NTNG1: variants seen among roughly 807,000 people sequenced by gnomAD.
The protein encoded by NTNG1 is netrin G1.
Under a neutral mutation model 54.0 loss-of-function variants are expected in NTNG1, and 16 were observed. The ratio of observed to expected loss-of-function variants is 0.30; its 90% CI spans 0.20 to 0.45. The LOEUF (loss-of-function observed/expected upper bound fraction) is 0.45, where lower values mean the gene tolerates loss of function less well. Among genes scored for constraint, NTNG1 ranks in the 20% least tolerant of loss-of-function variants. The probability of loss-of-function intolerance (pLI) is 1.00; values close to 1 mark genes in which losing one functional copy is unlikely to be tolerated. For missense variants in NTNG1, 530 were observed against 678.7 expected (o/e 0.78, Z 2.43); for synonymous variants, 255 against 263.1 (o/e 0.97, Z 0.30).
intron 2 of NTNG1, among the ~76,000 whole-genome samples, chr1:107,283,962 C>T (rs1434122716): frequency 6.6e-6 from 1 of 152,160 alleles, no homozygotes; most frequent in African/African-American, 2.4e-5. Flanking sequence ...TCTTCTACAG[C>T]TCAGTTCAAA....
chr1:107,296,217 T>C (rs987623685), intron 2 of NTNG1, among the ~76,000 whole-genome samples: 1 of 152,188 alleles, frequency 6.6e-6, no homozygotes, highest in East Asian at 1.9e-4. Context: ...TGAATTTTCA[T>C]ATGCCTTCAA....
chr1:107,321,653 A>G (rs1004193762), intron 2 of NTNG1, among the ~76,000 whole-genome samples: 4 of 152,142 alleles, frequency 2.6e-5, no homozygotes, highest in Non-Finnish European at 5.9e-5. Context: ...AAACCTATGT[A>G]ACTAGGTATT....
intron 7 of NTNG1, among the ~76,000 whole-genome samples, chr1:107,468,171 A>T (rs367817987): frequency 2.6e-5 from 4 of 152,312 alleles, no homozygotes; most frequent in African/African-American, 9.6e-5. Flanking sequence ...TATTTTTCAT[A>T]CTTAAATATC....
intron 2 of NTNG1, among the ~76,000 whole-genome samples, chr1:107,208,731 T>C (rs1170470281): frequency 6.6e-6 from 1 of 152,056 alleles, no homozygotes; most frequent in Non-Finnish European, 1.5e-5. Flanking sequence ...TACTCTCCCT[T>C]CCCTTAGCTG....
At chr1:107,142,653 A>G (rs932601110) in intron 1 of NTNG1, among the ~76,000 whole-genome samples, 1 of 150,460 alleles carries the variant, frequency 6.6e-6, no homozygotes, top group African/African-American at 2.5e-5. Flanking sequence ...AAATACTAAA[A>G]GTTGTTTTAT....
intron 7 of NTNG1, among the ~76,000 whole-genome samples, chr1:107,465,303 G>C (rs1019692372): frequency 6.6e-6 from 1 of 152,166 alleles, no homozygotes; most frequent in Non-Finnish European, 1.5e-5. Flanking sequence ...AGATGAAAAA[G>C]GTGTCTACTA....
chr1:107,232,700 C>A (rs1661155907), intron 2 of NTNG1, among the ~76,000 whole-genome samples: 1 of 152,154 alleles, frequency 6.6e-6, no homozygotes, highest in South Asian at 2.1e-4. Context: ...TCTGGAATGC[C>A]TTGCATCTTG....
intron 3 of NTNG1, among the ~76,000 whole-genome samples, chr1:107,326,542 T>A (rs545098518): frequency 6.6e-6 from 1 of 152,296 alleles, no homozygotes; most frequent in South Asian, 2.1e-4. Context: ...TTATTATTAA[T>A]GATAGCTTGC....
intron 3 of NTNG1, among the ~76,000 whole-genome samples, chr1:107,334,458 G>A (rs1410196586): frequency 1.3e-5 from 2 of 151,846 alleles, no homozygotes; most frequent in Non-Finnish European, 2.9e-5. Context: ...GATGGGGGAA[G>A]GGTGGGCCAA....
chr1:107,400,654 T>C (rs1033190630), intron 4 of NTNG1, among the ~76,000 whole-genome samples: 1 of 151,660 alleles, frequency 6.6e-6, no homozygotes, highest in Admixed American at 6.6e-5. Flanking sequence ...GGAATAAGTT[T>C]TTTTTTTTTT....
At chr1:107,355,568 G>A (rs956094430) in intron 3 of NTNG1, among the ~76,000 whole-genome samples, 3 of 152,016 alleles carry the variant, frequency 2.0e-5, no homozygotes, top group Non-Finnish European at 2.9e-5. Flanking sequence ...ATCAGAAACC[G>A]AGATATTTGT....
intron 3 of NTNG1, among the ~76,000 whole-genome samples, chr1:107,329,921 A>G (rs546331943): frequency 7.2e-5 from 11 of 152,082 alleles, no homozygotes; most frequent in African/African-American, 2.4e-4. Flanking sequence ...AAAAATGATG[A>G]TAATGTGGGT....
chr1:107,400,677 T>C (rs1327795489), intron 4 of NTNG1, among the ~76,000 whole-genome samples: 2 of 151,826 alleles, frequency 1.3e-5, no homozygotes, highest in African/African-American at 4.8e-5. Flanking sequence ...AGATGTAGTT[T>C]TGCTCTTGTT....
intron 6 of NTNG1, among the ~76,000 whole-genome samples, chr1:107,434,742 T>G (rs1675496614): frequency 6.6e-6 from 1 of 152,186 alleles, no homozygotes; most frequent in Non-Finnish European, 1.5e-5. Context: ...GTATTTTACG[T>G]TGCTTTGTAA....
At chr1:107,319,227 C>T (rs964398638) in intron 2 of NTNG1, among the ~76,000 whole-genome samples, 1 of 152,032 alleles carries the variant, frequency 6.6e-6, no homozygotes, top group Non-Finnish European at 1.5e-5. Context: ...ATGCTATAGC[C>T]AAGCAAGAAT....
At chr1:107,212,692 A>G (rs1659675847) in intron 2 of NTNG1, among the ~76,000 whole-genome samples, 1 of 152,158 alleles carries the variant, frequency 6.6e-6, no homozygotes, top group Non-Finnish European at 1.5e-5. Context: ...CCCTCCCAAG[A>G]ACTTACTGAA....
chr1:107,258,255 TG>T (rs1663059358), intron 2 of NTNG1, among the ~76,000 whole-genome samples: 1 of 150,708 alleles, frequency 6.6e-6, no homozygotes, highest in African/African-American at 2.5e-5. Flanking sequence ...TAAGAGTTGT[TG>T]GTTTTTTTTT....
chr1:107,142,982 A>G (rs976794713), intron 1 of NTNG1: 1 of 152,192 alleles, frequency 6.6e-6, no homozygotes, highest in African/African-American at 2.4e-5. Flanking sequence ...TTTTTCATTA[A>G]GATAAAATTT....
At chr1:107,157,619 T>A (rs1655097846) in intron 2 of NTNG1, among the ~76,000 whole-genome samples, 2 of 152,218 alleles carry the variant, frequency 1.3e-5, no homozygotes, top group Non-Finnish European at 2.9e-5. Flanking sequence ...AATTTGAGAT[T>A]GATATAGGGA....
Sources: allele counts gnomAD v4.1 joint callset (sites outside exome capture counted in the v4.1 genomes callset), GRCh38; gene constraint gnomAD v4.1.1; transcripts MANE v1.5; gene names NCBI Gene and HGNC (gene_info 2026-07-23, HGNC 2026-07-21).